CA12: variants seen among roughly 807,000 people sequenced by gnomAD.
The protein encoded by CA12 is carbonate dehydratase XII.
CA12 carries 36 observed loss-of-function variants against 46.8 expected under a neutral mutation model. The observed-to-expected ratio is 0.77, with a 90% CI of 0.59 to 1.02. CA12 has a LOEUF of 1.02. Among genes scored for constraint, CA12 ranks in the 50% least tolerant of loss-of-function variants. The pLI is 0.00. For missense variants in CA12, 436 were observed against 451.4 expected (o/e 0.97, Z 0.31); for synonymous variants, 202 against 187.0 (o/e 1.08, Z -0.65).
chr15:63,340,278 C>T lies in CA12; in HGVS notation c.747+10G>A, dbSNP rs369298277. 24 of 1,613,934 alleles carry T rather than the reference C, an allele frequency of 1.5e-5. No homozygotes were observed. The highest frequency in any genetic ancestry group is 3.3e-4 in the Middle Eastern group (2 of 6,084). ...GCGTGGACTCTGGCTGAGTCTGGCA[C>T]GACAGTTACCTGCTCCTGGGAAATT... is the stretch of plus-strand genomic sequence containing the variant. On this transcript the variant is annotated intron_variant, in intron 7 of 10. Transcript: ENST00000178638. This position sits in a 1 kb window ranked among gnomAD's most constrained non-coding sequence, Gnocchi z 4.4.
intron 2 of CA12, among the ~76,000 whole-genome samples, chr15:63,347,945 C>T (rs1276457178): frequency 6.6e-6 from 1 of 152,190 alleles, no homozygotes; most frequent in Non-Finnish European, 1.5e-5. Flanking sequence ...CACTGTTTCA[C>T]AAGGGTGTAA....
intron 2 of CA12, among the ~76,000 whole-genome samples, chr15:63,356,535 T>A (rs1419954228): frequency 6.6e-6 from 1 of 151,894 alleles, no homozygotes; most frequent in African/African-American, 2.4e-5. Context: ...TTCTTTTTTT[T>A]TTTTGAGACA....
At chr15:63,367,886 T>G (rs16946946) in intron 2 of CA12, among the ~76,000 whole-genome samples, 6,496 of 151,066 alleles carry the variant, frequency 0.043, 358 homozygotes, top group African/African-American at 0.12. Context: ...TGTTTTTACA[T>G]ACTTGTGAGA....
intron 4 of CA12, among the ~76,000 whole-genome samples, chr15:63,342,967 T>A (rs887211754): frequency 2.0e-5 from 3 of 152,132 alleles, no homozygotes; most frequent in South Asian, 2.1e-4. Flanking sequence ...TTAAAAAAAA[T>A]TATATATCAA....
intron 8 of CA12, among the ~76,000 whole-genome samples, chr15:63,333,914 T>G (rs2038966247): frequency 6.6e-6 from 1 of 152,232 alleles, no homozygotes; most frequent in African/African-American, 2.4e-5. Context: ...CAAGTTTCCA[T>G]GGCCCTGACA....
At chr15:63,357,499 G>A (rs28696060) in intron 2 of CA12, among the ~76,000 whole-genome samples, 4,339 of 152,230 alleles carry the variant, frequency 0.029, 204 homozygotes, top group African/African-American at 0.096. Context: ...GTTGAGGTGG[G>A]AGGTGCTTTA....
At chr15:63,376,382 G>A (rs1194797047) in intron 1 of CA12, among the ~76,000 whole-genome samples, 1 of 152,166 alleles carries the variant, frequency 6.6e-6, no homozygotes, top group South Asian at 2.1e-4. Flanking sequence ...TAGACAAGGA[G>A]GTTAGCTGAT....
At chr15:63,366,961 G>A (rs754132168) in intron 2 of CA12, among the ~76,000 whole-genome samples, 17 of 151,904 alleles carry the variant, frequency 1.1e-4, no homozygotes, top group African/African-American at 2.4e-4. Context: ...TTGCTTTGTC[G>A]CCCAGACTGG....
At position 63,327,325 on chromosome 15, in the gene CA12, A is replaced by C; in HGVS notation, c.908-92T>G. 2.2e-6 allele frequency: 2 copies of C among 921,520 alleles called. No homozygotes were observed. Among genetic ancestry groups the C allele is most frequent in the Non-Finnish European group, 3.5e-6 (2 of 573,208 alleles). The allele number at this position is 921,520 out of a possible 1,614,324, so 57.1% of individuals were successfully genotyped here. ...GGGTGTGAAATCATGGCCCAGCTGC[A>C]TAATCATCCACAGAAAGGAATAATT... On this transcript the variant is annotated intron_variant, in intron 9 of 10. Transcript: ENST00000178638. The surrounding 1 kb of genome is among the most constrained non-coding windows in gnomAD (Gnocchi z 4.5).
At chr15:63,335,705 G>T (rs2038994128) in intron 8 of CA12, among the ~76,000 whole-genome samples, 1 of 151,886 alleles carries the variant, frequency 6.6e-6, no homozygotes, top group Admixed American at 6.6e-5. Context: ...AACTTCCAGA[G>T]AAAGCCCTGA....
Position 63,374,863 on chromosome 15 carries a change from A to G in CA12, c.106+795T>C, listed in dbSNP as rs1020207971. Among the ~76,000 whole-genome samples the G allele has an allele frequency of 6.6e-6, 1 of 152,206 alleles. No homozygotes were observed. The highest frequency in any genetic ancestry group is 1.5e-5 in the Non-Finnish European group (1 of 68,024). ...AGTGAGTCAGTTCCACCCTTCTGCT[A>G]CCAAAACAATCGATCTTGTGCATCT... On this transcript the variant is annotated intron_variant, in intron 2 of 10. Coordinates refer to ENST00000178638, the MANE Select transcript of CA12 (RefSeq NM_001218.5). The surrounding 1 kb of genome is among the most constrained non-coding windows in gnomAD (Gnocchi z 4.4).
rs150013502 is a variant in CA12, at chr15:63,328,184, T to A, written c.875-54A>T. On this transcript the variant is annotated intron_variant, in intron 8 of 10. Transcript: ENST00000178638. The surrounding 1 kb of genome is among the most constrained non-coding windows in gnomAD (Gnocchi z 5.9). ...TACTCTAGAGTCAAACCACACTGGA[T>A]TTGAGCAGCGTGTTGAGAGACGCTC... The A allele has an allele frequency of 2.6e-4, 394 of 1,529,158 alleles. No individual in the cohort carries two copies. In the African/African-American group the frequency reaches 4.8e-3, roughly 19 times the overall value. The allele number at this position is 1,529,158 out of a possible 1,614,324, so 94.7% of individuals were successfully genotyped here. A position where few individuals can be genotyped will look rare whatever the true frequency, so the allele number is the denominator to read the frequency against.
Position 63,328,718 on chromosome 15 carries a change from T to A in CA12, c.875-588A>T, listed in dbSNP as rs2038899671. ...TTTGTTTGTTTGTTTGTGTTTTTTT[T>A]GAGACAGAGTCTCGCTCTGTCACAC... On this transcript the variant is annotated intron_variant, in intron 8 of 10. Transcript: ENST00000178638. This position sits in a 1 kb window ranked among gnomAD's most constrained non-coding sequence, Gnocchi z 5.9. Among the ~76,000 whole-genome samples the A allele has an allele frequency of 6.6e-6, 1 of 152,082 alleles. No individual in the cohort carries two copies. The highest frequency in any genetic ancestry group is 2.4e-5 in the African/African-American group (1 of 41,392).
chr15:63,339,015 G>GCT lies in CA12; in HGVS notation c.748-72_748-71dup. The GCT allele has an allele frequency of 6.3e-7, 1 of 1,588,380 alleles. No homozygotes were observed. The highest frequency in any genetic ancestry group is 8.6e-7 in the Non-Finnish European group (1 of 1,163,170). The stretch of plus-strand genomic sequence containing the variant: ...CACCTGATCCCCTGGGAAGAGGCTA[G>GCT]CTCTCCGCTCTTGCACCTGGGAGAA... On this transcript the variant is annotated intron_variant, in intron 7 of 10. Coordinates refer to ENST00000178638, the MANE Select transcript of CA12 (RefSeq NM_001218.5). The surrounding 1 kb of genome is among the most constrained non-coding windows in gnomAD (Gnocchi z 4.3).
intron 1 of CA12, among the ~76,000 whole-genome samples, chr15:63,377,227 C>T (rs1022334093): frequency 3.3e-5 from 5 of 152,146 alleles, no homozygotes; most frequent in African/African-American, 1.2e-4. Flanking sequence ...TCAGGTGACT[C>T]ATCCAATGAG....
chr15:63,359,389 T>C (rs1053893239), intron 2 of CA12, among the ~76,000 whole-genome samples: 2 of 151,694 alleles, frequency 1.3e-5, no homozygotes, highest in Non-Finnish European at 1.5e-5. Flanking sequence ...CTCGTTCCTC[T>C]CCTCTCCTTC....
intron 4 of CA12, among the ~76,000 whole-genome samples, chr15:63,343,876 C>A (rs575612636): frequency 6.6e-6 from 1 of 152,260 alleles, no homozygotes; most frequent in Admixed American, 6.5e-5. Context: ...CTGGGAGCTG[C>A]CTCCCATTCT....
In CA12 at chr15:63,322,416, C is replaced by G. The variant is rs868387994; in HGVS notation, c.*3869G>C. The G allele has an allele frequency of 6.8e-6, 1 of 147,986 alleles. No individual in the cohort carries two copies. The highest frequency in any genetic ancestry group is 2.5e-5 in the African/African-American group (1 of 39,942). 9.2% of individuals were successfully genotyped at this position (147,986 alleles called of 1,614,324 possible). ...ATGTCACTGGTTTTTTTTTTTTTAC[C>G]TTTTTCTAGTGTGGCTACCGGAAAG... On this transcript the variant is annotated 3_prime_UTR_variant, in exon 11 of 11. Coordinates refer to ENST00000178638, the MANE Select transcript of CA12 (RefSeq NM_001218.5). This position sits in a 1 kb window ranked among gnomAD's most constrained non-coding sequence, Gnocchi z 4.1.
intron 2 of CA12, among the ~76,000 whole-genome samples, chr15:63,359,403 C>T (rs2039331646): frequency 6.6e-6 from 1 of 152,082 alleles, no homozygotes; most frequent in African/African-American, 2.4e-5. Context: ...CTCCTTCAAC[C>T]CTCACTTCCA....
Sources: gnomAD v4.1 joint callset for allele counts (sites outside exome capture counted in the v4.1 genomes callset) on GRCh38, gnomAD v4.1.1 for gene constraint, Gnocchi (gnomAD v3.1) non-coding constraint, MANE v1.5 for transcripts, NCBI Gene and HGNC (gene_info 2026-07-23, HGNC 2026-07-21) for gene names.